The following AGPAT4 variants were observed in gnomAD, a reference collection of about 807,000 sequenced individuals.
AGPAT4 encodes 1-acylglycerol-3-phosphate O-acyltransferase 4, also known as 1-acyl-sn-glycerol-3-phosphate acyltransferase delta.
In AGPAT4, 15 loss-of-function variants were observed where a neutral mutation model predicts 48.0. That is an observed-to-expected ratio of 0.31 (90% CI 0.21 to 0.48). The LOEUF (loss-of-function observed/expected upper bound fraction) is 0.48. Ranked by LOEUF, AGPAT4 falls within the 20% of genes least tolerant of loss-of-function variation. The probability of loss-of-function intolerance (pLI) is 0.99; values close to 1 mark genes in which losing one functional copy is unlikely to be tolerated. For synonymous variants in AGPAT4, 178 were observed against 198.7 expected, an observed-to-expected ratio of 0.90 and a Z score of 0.88; for missense variants, 314 against 482.5, an observed-to-expected ratio of 0.65 and a Z score of 3.27.
Position 161,225,668 on chromosome 6 carries a change from G to C in AGPAT4, c.178+6368C>G, listed in dbSNP as rs568779608. On this transcript the variant is annotated intron_variant, in intron 2 of 8. Coordinates refer to ENST00000320285, the MANE Select transcript of AGPAT4 (RefSeq NM_020133.3). The surrounding 1 kb of genome is among the most constrained non-coding windows in gnomAD (Gnocchi z 5.0). ...GGATCTCGTGATGTGGAGCCGTCAG[G>C]GTGTGTGACTCCAGGTGAAGTCAGG... is the stretch of plus-strand genomic sequence containing the variant. Among the ~76,000 whole-genome samples, 7 of 152,300 alleles carry C rather than the reference G, an allele frequency of 4.6e-5. No homozygotes were observed. The East Asian group carries it at 1.4e-3, about 29-fold the overall frequency.
rs900894569 is a variant in AGPAT4, at chr6:161,146,539, C to T, written c.828G>A (p.Lys276=). The T allele has an allele frequency of 2.5e-6, 4 of 1,613,874 alleles. No homozygotes were observed. The African/African-American group carries it at 5.3e-5, about 22-fold the overall frequency. The change falls in exon 7 of 9, where the codon AAG becomes AAA. Residue 276 remains lysine (K), a synonymous_variant. Coordinates refer to ENST00000320285, the MANE Select transcript of AGPAT4 (RefSeq NM_020133.3). The surrounding 1 kb of genome is among the most constrained non-coding windows in gnomAD (Gnocchi z 7.1). ...DDDECSAWLH[K]LYQEKDAFQE... ...GTGCACTGACCTTCTCCTGGTAGAG[C>T]TTGTGCAGCCAGGCCGAGCACTCGT... is the stretch of plus-strand genomic sequence containing the variant.
rs1216449051 is a variant in AGPAT4 at position 161,140,667 on chromosome 6, TG to T, written c.844-1048del. Among the ~76,000 whole-genome samples, 1 of 152,102 alleles carries T rather than the reference TG, an allele frequency of 6.6e-6. No homozygotes were observed. The highest frequency in any genetic ancestry group is 1.9e-4 in the East Asian group (1 of 5,178). Reference sequence around the variant, plus strand: ...CTGGGAGCTGAGCTGAGCCAGGACCTGGGGGGAACAAGGAGCTGTGGCACCA... The same window carrying T: ...CTGGGAGCTGAGCTGAGCCAGGACCTGGGGGAACAAGGAGCTGTGGCACCA... On this transcript the variant is annotated intron_variant, in intron 7 of 8. Transcript: ENST00000320285. This position sits in a 1 kb window ranked among gnomAD's most constrained non-coding sequence, Gnocchi z 6.5.
intron 2 of AGPAT4, among the ~76,000 whole-genome samples, chr6:161,175,754 G>C (rs1021440775): frequency 6.6e-6 from 1 of 152,110 alleles, no homozygotes; most frequent in Non-Finnish European, 1.5e-5. Context: ...GATCTTTCCT[G>C]CTTTCTCTTG....
rs775169927 is a variant in AGPAT4, at chr6:161,149,204, A to G, written c.750T>C (p.His250=). Residue 250 remains histidine, a synonymous_variant, in exon 6 of 9, where the codon CAT becomes CAC. Transcript: ENST00000320285. This position sits in a 1 kb window ranked among gnomAD's most constrained non-coding sequence, Gnocchi z 6.5. The part of the protein sequence containing the change: ...LLGVLNGKKY[H]ADLYVRRIPL... The stretch of plus-strand genomic sequence containing the variant: ...CGACTTACCTAACATACAAATCTGC[A>G]TGGTATTTCTTTCCGTTTAGGACTC... 1 of 1,612,868 alleles carries G rather than the reference A, an allele frequency of 6.2e-7. No homozygotes were observed. The highest frequency in any genetic ancestry group is 8.5e-7 in the Non-Finnish European group (1 of 1,179,814).
intron 2 of AGPAT4, among the ~76,000 whole-genome samples, chr6:161,230,013 C>A (rs998654924): frequency 1.3e-5 from 2 of 152,174 alleles, no homozygotes; most frequent in Non-Finnish European, 2.9e-5. Context: ...ATGGTTAATT[C>A]TTGAGTTTCA....
At position 161,217,115 on chromosome 6, in the gene AGPAT4, A is replaced by G. The variant is rs1781667615; in HGVS notation, c.178+14921T>C. Reference sequence around the variant, plus strand: ...GGCCTGACTCCGCGTTTCAGCAATGAAAGATGAGCAGACAGTGGAGAAGGC... The same window carrying G: ...GGCCTGACTCCGCGTTTCAGCAATGGAAGATGAGCAGACAGTGGAGAAGGC... On this transcript the variant is annotated intron_variant, in intron 2 of 8. Coordinates refer to ENST00000320285, the MANE Select transcript of AGPAT4 (RefSeq NM_020133.3). This position sits in a 1 kb window ranked among gnomAD's most constrained non-coding sequence, Gnocchi z 4.9. Among the ~76,000 whole-genome samples the G allele has an allele frequency of 6.6e-6, 1 of 152,192 alleles. No individual in the cohort carries two copies. The highest frequency in any genetic ancestry group is 1.5e-5 in the Non-Finnish European group (1 of 68,038).
rs1783036460 is a variant in AGPAT4, at chr6:161,259,359, T to C, written c.-90+14579A>G. Among the ~76,000 whole-genome samples the C allele has an allele frequency of 1.3e-5, 2 of 152,124 alleles. No individual in the cohort carries two copies. Among genetic ancestry groups the C allele is most frequent in the Admixed American group, 1.3e-4 (2 of 15,282 alleles). ...GAAGCTTTAACAGCACCAATCATCC[T>C]TTCTATACTGAGATAGTCCTAATAT... On this transcript the variant is annotated intron_variant, in intron 1 of 8. Coordinates refer to ENST00000320285, the MANE Select transcript of AGPAT4 (RefSeq NM_020133.3). The surrounding 1 kb of genome is among the most constrained non-coding windows in gnomAD (Gnocchi z 4.9).
rs1781727509 is a variant in AGPAT4 at position 161,218,807 on chromosome 6, T to C, written c.178+13229A>G. Among the ~76,000 whole-genome samples the C allele has an allele frequency of 6.6e-6, 1 of 150,868 alleles. No individual in the cohort carries two copies. Among genetic ancestry groups the C allele is most frequent in the Admixed American group, 6.6e-5 (1 of 15,116 alleles). On this transcript the variant is annotated intron_variant, in intron 2 of 8. Transcript: ENST00000320285. The surrounding 1 kb of genome is among the most constrained non-coding windows in gnomAD (Gnocchi z 4.7). ...CACTGTTATCTACCAAACAGTATGA[T>C]AAAACACTGTATCTACCAAACAGTA...
In AGPAT4 at chr6:161,234,218, T is replaced by A. The variant is rs1035573585; in HGVS notation, c.-89-1916A>T. On this transcript the variant is annotated intron_variant, in intron 1 of 8. Transcript: ENST00000320285. This position sits in a 1 kb window ranked among gnomAD's most constrained non-coding sequence, Gnocchi z 4.4. ...GCATATGGAGAGTCACAGGGAGGCATGTTTGCACTTACTGGGACTATCCAG... is the reference window on the plus strand; with the variant it reads ...GCATATGGAGAGTCACAGGGAGGCAAGTTTGCACTTACTGGGACTATCCAG... Among the ~76,000 whole-genome samples the A allele has an allele frequency of 6.6e-6, 1 of 152,180 alleles. No homozygotes were observed. The highest frequency in any genetic ancestry group is 2.4e-5 in the African/African-American group (1 of 41,452).
rs1685524339 is a variant in AGPAT4, at chr6:161,148,307, A to T, written c.767+880T>A. 6.6e-6 allele frequency among the ~76,000 whole-genome samples: 1 copy of T among 152,146 alleles called. No homozygotes were observed. The highest frequency in any genetic ancestry group is 2.1e-4 in the South Asian group (1 of 4,826). ...ATGATGACGATGCTGTCCTATTTTC[A>T]TGGGAAAGCCAGAGTCATTTTTAGA... On this transcript the variant is annotated intron_variant, in intron 6 of 8. Coordinates refer to ENST00000320285, the MANE Select transcript of AGPAT4 (RefSeq NM_020133.3). The surrounding 1 kb of genome is among the most constrained non-coding windows in gnomAD (Gnocchi z 5.5).
intron 2 of AGPAT4, among the ~76,000 whole-genome samples, chr6:161,207,591 G>A (rs1361040430): frequency 6.6e-6 from 1 of 152,224 alleles, no homozygotes; most frequent in Non-Finnish European, 1.5e-5. Flanking sequence ...CCTCCAACAA[G>A]CTCCACTTCC....
rs1780702763 is a variant in AGPAT4, at chr6:161,184,340, A to G, written c.179-17923T>C. ...GGGTTCAACGTGGTGTAAGAGACAG[A>G]GGAGAATTCAGGAGTGAAGCTAAGG... On this transcript the variant is annotated intron_variant, in intron 2 of 8. Coordinates refer to ENST00000320285, the MANE Select transcript of AGPAT4 (RefSeq NM_020133.3). The surrounding 1 kb of genome is among the most constrained non-coding windows in gnomAD (Gnocchi z 4.8). 6.6e-6 allele frequency among the ~76,000 whole-genome samples: 1 copy of G among 151,930 alleles called. No individual in the cohort carries two copies. Among genetic ancestry groups the G allele is most frequent in the African/African-American group, 2.4e-5 (1 of 41,396 alleles).
rs937923768 is a variant in AGPAT4 at position 161,219,384 on chromosome 6, C to A, written c.178+12652G>T. On this transcript the variant is annotated intron_variant, in intron 2 of 8. Coordinates refer to ENST00000320285, the MANE Select transcript of AGPAT4 (RefSeq NM_020133.3). This position sits in a 1 kb window ranked among gnomAD's most constrained non-coding sequence, Gnocchi z 4.9. ...TATGATAGAATATGATGGCATGATA[C>A]GAGATGAGATAAAAGGAACATAAAT... Among the ~76,000 whole-genome samples, 3 of 151,772 alleles carry A rather than the reference C, an allele frequency of 2.0e-5. No individual in the cohort carries two copies. The highest frequency in any genetic ancestry group is 4.4e-5 in the Non-Finnish European group (3 of 67,992).
rs76853759 is a variant in AGPAT4 at position 161,157,874 on chromosome 6, G to C, written c.349-3564C>G. 2.5e-3 allele frequency among the ~76,000 whole-genome samples: 386 copies of C among 152,282 alleles called. 7 individuals carry two copies. Among genetic ancestry groups the C allele is most frequent in the Admixed American group, 0.018 (280 of 15,288 alleles). On this transcript the variant is annotated intron_variant, in intron 3 of 8. Coordinates refer to ENST00000320285, the MANE Select transcript of AGPAT4 (RefSeq NM_020133.3). ...TACCACGACCCAGCTGTGTAACTGTGCTCAAGACACCCAATCCTTCTGAGC... is the reference window on the plus strand; with the variant it reads ...TACCACGACCCAGCTGTGTAACTGTCCTCAAGACACCCAATCCTTCTGAGC...
Position 161,169,090 on chromosome 6 carries a change from G to A in AGPAT4, c.179-2673C>T, listed in dbSNP as rs975787059. Among the ~76,000 whole-genome samples the A allele has an allele frequency of 1.3e-5, 2 of 152,146 alleles. No homozygotes were observed. The highest frequency in any genetic ancestry group is 6.5e-5 in the Admixed American group (1 of 15,286). ...GCTCTGTGACCACTGAAGGGGAGAG[G>A]AAGGGTGGGGAGGAGACAGAGGCAG... On this transcript the variant is annotated intron_variant, in intron 2 of 8. Coordinates refer to ENST00000320285, the MANE Select transcript of AGPAT4 (RefSeq NM_020133.3). The surrounding 1 kb of genome is among the most constrained non-coding windows in gnomAD (Gnocchi z 5.0).
At position 161,255,652 on chromosome 6, in the gene AGPAT4, A is replaced by G. The variant is rs951303778; in HGVS notation, c.-90+18286T>C. Among the ~76,000 whole-genome samples the G allele has an allele frequency of 2.6e-5, 4 of 152,120 alleles. No individual in the cohort carries two copies. Among genetic ancestry groups the G allele is most frequent in the East Asian group, 1.9e-4 (1 of 5,188 alleles). Reference sequence around the variant, plus strand: ...CCACATATGGTACGATTCGGTTTATATGAAAGGTTCGGACTAGGCCAATGC... The same window carrying G: ...CCACATATGGTACGATTCGGTTTATGTGAAAGGTTCGGACTAGGCCAATGC... On this transcript the variant is annotated intron_variant, in intron 1 of 8. Transcript: ENST00000320285. This position sits in a 1 kb window ranked among gnomAD's most constrained non-coding sequence, Gnocchi z 4.7.
chr6:161,211,350 C>T (rs1322964491), intron 2 of AGPAT4, among the ~76,000 whole-genome samples: 1 of 151,926 alleles, frequency 6.6e-6, no homozygotes, highest in African/African-American at 2.4e-5. Flanking sequence ...AGAAGATGAA[C>T]AATTTTTGTC....
rs1406344655 is a variant in AGPAT4, at chr6:161,132,788, A to C, written c.*3752T>G. The C allele has an allele frequency of 6.6e-6, 1 of 152,242 alleles. No individual in the cohort carries two copies. Among genetic ancestry groups the C allele is most frequent in the Non-Finnish European group, 1.5e-5 (1 of 68,070 alleles). The allele number at this position is 152,242 out of a possible 1,614,324, so 9.4% of individuals were successfully genotyped here. ...GGAGGCATTATGAGGGGACTACTCCACAGGACCTTGGAGAGTTGCATTTTG... is the reference window on the plus strand; with the variant it reads ...GGAGGCATTATGAGGGGACTACTCCCCAGGACCTTGGAGAGTTGCATTTTG... On this transcript the variant is annotated 3_prime_UTR_variant, in exon 9 of 9. Coordinates refer to ENST00000320285, the MANE Select transcript of AGPAT4 (RefSeq NM_020133.3).
chr6:161,268,881 C>T (rs3798954), intron 1 of AGPAT4, among the ~76,000 whole-genome samples: 6,648 of 152,176 alleles, frequency 0.044, 467 homozygotes, highest in Admixed American at 0.2. Context: ...AGTGCTGCAA[C>T]GAGGTCTCAA....
Sources: gnomAD v4.1 joint callset for allele counts (sites outside exome capture counted in the v4.1 genomes callset) on GRCh38, gnomAD v4.1.1 for gene constraint, Gnocchi (gnomAD v3.1) non-coding constraint, MANE v1.5 for transcripts, NCBI Gene and HGNC (gene_info 2026-07-23, HGNC 2026-07-21) for gene names.